The following ARL15 variants were observed in gnomAD, a reference collection of about 807,000 sequenced individuals.
ARL15 encodes ARF like GTPase 15, also known as ADP-ribosylation factor-like protein 15.
Under a neutral mutation model 25.2 loss-of-function variants are expected in ARL15, and 19 were observed. The observed-to-expected ratio is 0.75, with a 90% CI of 0.53 to 1.10. The LOEUF is 1.10. Among genes scored for constraint, ARL15 ranks in the 50% least tolerant of loss-of-function variants. The pLI is 0.00. For missense variants in ARL15, 220 were observed against 246.0 expected, an observed-to-expected ratio of 0.89 and a Z score of 0.71; for synonymous variants, 94 against 86.8, an observed-to-expected ratio of 1.08 and a Z score of -0.46.
chr5:54,167,755 C>A (rs893990354), intron 2 of ARL15, among the ~76,000 whole-genome samples: 2 of 152,064 alleles, frequency 1.3e-5, no homozygotes, highest in African/African-American at 2.4e-5. Context: ...CTTTTTCTGT[C>A]CACCTTCTTG....
At chr5:54,021,092 T>A (rs965591388) in intron 4 of ARL15, among the ~76,000 whole-genome samples, 2 of 152,142 alleles carry the variant, frequency 1.3e-5, no homozygotes, top group Non-Finnish European at 2.9e-5. Flanking sequence ...TCCCAGCACT[T>A]TGGAAGGCCG....
At chr5:54,281,103 C>A (rs916555095) in intron 1 of ARL15, among the ~76,000 whole-genome samples, 1 of 152,044 alleles carries the variant, frequency 6.6e-6, no homozygotes, top group East Asian at 1.9e-4. Context: ...AAACACTGTG[C>A]GCTCACCATT....
At chr5:53,911,486 A>T (rs1745462123) in intron 4 of ARL15, among the ~76,000 whole-genome samples, 1 of 152,000 alleles carries the variant, frequency 6.6e-6, no homozygotes, top group Admixed American at 6.6e-5. Context: ...TATAGATCAG[A>T]TGTTAGATGT....
chr5:53,941,154 T>C (rs1290742575), intron 4 of ARL15, among the ~76,000 whole-genome samples: 2 of 152,214 alleles, frequency 1.3e-5, no homozygotes, highest in African/African-American at 4.8e-5. Context: ...CTTCTACTTT[T>C]CTCCTTCTTC....
At chr5:54,099,108 T>C (rs682103) in intron 4 of ARL15, among the ~76,000 whole-genome samples, 36,175 of 152,156 alleles carry the variant, frequency 0.24, 5,087 homozygotes, top group Admixed American at 0.31. Context: ...TGCAAAGATA[T>C]GCAGGTAGGC....
chr5:53,959,429 C>G (rs1278218429), intron 4 of ARL15, among the ~76,000 whole-genome samples: 1 of 152,034 alleles, frequency 6.6e-6, no homozygotes. Context: ...AAATCCTTGC[C>G]TTCACAGAGG....
intron 4 of ARL15, among the ~76,000 whole-genome samples, chr5:54,041,906 C>T (rs1251935307): frequency 4.0e-5 from 6 of 151,746 alleles, no homozygotes; most frequent in Non-Finnish European, 8.8e-5. Context: ...AAAAATCCTC[C>T]AATAGATCAT....
chr5:53,920,686 TA>T (rs1745827005), intron 4 of ARL15, among the ~76,000 whole-genome samples: 1 of 150,734 alleles, frequency 6.6e-6, no homozygotes, highest in Non-Finnish European at 1.5e-5. Context: ...AATAAATAAA[TA>T]AAAGGAGCTG....
At chr5:54,211,524 G>A (rs1323127078) in intron 1 of ARL15, among the ~76,000 whole-genome samples, 5 of 142,566 alleles carry the variant, frequency 3.5e-5, no homozygotes, top group African/African-American at 1.1e-4. Flanking sequence ...AGGCTGGAGT[G>A]CAGTGGTGCA....
In ARL15 at chr5:54,139,883, G is replaced by A. The variant is rs182883869; in HGVS notation, c.253+14697C>T. Among the ~76,000 whole-genome samples, 348 of 152,208 alleles carry A rather than the reference G, an allele frequency of 2.3e-3. 2 individuals are homozygous for A. The highest frequency in any genetic ancestry group is 3.8e-3 in the Non-Finnish European group (260 of 67,990). ...TAAAAGTATTTTAAGTATGTTCAGA[G>A]ATACACCTAAAGACTTTAAGCATCT... On this transcript the variant is annotated intron_variant, in intron 3 of 4. Transcript: ENST00000504924.
intron 4 of ARL15, among the ~76,000 whole-genome samples, chr5:53,976,497 T>G (rs2111561695): frequency 6.6e-6 from 1 of 152,296 alleles, no homozygotes; most frequent in Middle Eastern, 3.4e-3. Context: ...CCACTTAACT[T>G]TAAGCAGGGG....
chr5:54,230,552 T>C (rs1756643929), intron 1 of ARL15, among the ~76,000 whole-genome samples: 1 of 152,098 alleles, frequency 6.6e-6, no homozygotes, highest in Non-Finnish European at 1.5e-5. Context: ...ATCTTTCCAA[T>C]GAACCAGCTC....
intron 3 of ARL15, among the ~76,000 whole-genome samples, chr5:54,125,099 T>G (rs1383331824): frequency 2.6e-5 from 4 of 151,232 alleles, no homozygotes; most frequent in Admixed American, 6.6e-5. Flanking sequence ...TTTTTTTTTT[T>G]GAGACACAGT....
intron 1 of ARL15, among the ~76,000 whole-genome samples, chr5:54,258,368 C>G (rs1474514334): frequency 6.6e-6 from 1 of 152,104 alleles, no homozygotes; most frequent in Non-Finnish European, 1.5e-5. Context: ...GATGGATACT[C>G]ATGGAGGGAC....
chr5:54,213,730 A>T (rs1756106928), intron 1 of ARL15, among the ~76,000 whole-genome samples: 1 of 152,178 alleles, frequency 6.6e-6, no homozygotes, highest in East Asian at 1.9e-4. Context: ...ATCTTCAATA[A>T]ATGGGTCATA....
chr5:53,924,988 C>T (rs1397359554), intron 4 of ARL15, among the ~76,000 whole-genome samples: 3 of 152,122 alleles, frequency 2.0e-5, no homozygotes, highest in East Asian at 1.9e-4. Flanking sequence ...TGCTTATAAG[C>T]GTCTTTTAGC....
chr5:54,078,888 G>A (rs1333205895), intron 4 of ARL15, among the ~76,000 whole-genome samples: 1 of 152,058 alleles, frequency 6.6e-6, no homozygotes, highest in African/African-American at 2.4e-5. Flanking sequence ...TAACATGCTT[G>A]TTTTAGTAGT....
At chr5:54,238,359 C>T (rs1756864078) in intron 1 of ARL15, among the ~76,000 whole-genome samples, 1 of 152,126 alleles carries the variant, frequency 6.6e-6, no homozygotes, top group Non-Finnish European at 1.5e-5. Context: ...CCCTAATACA[C>T]ACAACAATCA....
At chr5:54,051,308 C>T (rs750830832) in intron 4 of ARL15, among the ~76,000 whole-genome samples, 19 of 152,144 alleles carry the variant, frequency 1.2e-4, no homozygotes, top group Admixed American at 2.6e-4. Context: ...TTCTCAAAGT[C>T]GCAAGACTAA....
Sources: gnomAD v4.1 joint callset for allele counts (sites outside exome capture counted in the v4.1 genomes callset) on GRCh38, gnomAD v4.1.1 for gene constraint, MANE v1.5 for transcripts, NCBI Gene and HGNC (gene_info 2026-07-23, HGNC 2026-07-21) for gene names.